Variants in C16orf96 observed in about 807,000 individuals in gnomAD.
C16orf96 encodes the protein chromosome 16 open reading frame 96, also known as uncharacterized protein C16orf96.
In C16orf96, 108 loss-of-function variants were observed where a neutral mutation model predicts 103.6. The observed-to-expected ratio is 1.04, with a 90% confidence interval of 0.89 to 1.22. The LOEUF (loss-of-function observed/expected upper bound fraction) is 1.22, where lower values mean the gene tolerates loss of function less well. Among genes scored for constraint, C16orf96 ranks in the 50% most tolerant of loss-of-function variants. C16orf96 has a pLI of 0.00. For missense variants in C16orf96, 1,586 were observed against 1,464.2 expected (o/e 1.08, Z -1.36); for synonymous variants, 566 against 593.5 (o/e 0.95, Z 0.67).
At chr16:4,575,086 C>CAGG (rs1168684495) in intron 4 of C16orf96, 28 bp downstream of exon 4, 1 of 1,550,786 alleles carries the variant, frequency 6.4e-7, no homozygotes, top group African/African-American at 1.4e-5. Context: ...GGGAGGTTAG[C>CAGG]AGGAAGCTGG....
At position 4,600,369 on chromosome 16, in the gene C16orf96, G is replaced by A; in HGVS notation, c.*52G>A. On this transcript the variant is annotated 3_prime_UTR_variant, in exon 16 of 16. Transcript: ENST00000444310. ...CCAAGTCCCCTCCACGTCCGAGGCT[G>A]AGGCCCATGTGGCCCTCCCACTCCC... The A allele has an allele frequency of 1.5e-6, 2 of 1,352,090 alleles. No individual in the cohort carries two copies. The highest frequency in any genetic ancestry group is 2.0e-6 in the Non-Finnish European group (2 of 982,210). The allele number at this position is 1,352,090 out of a possible 1,614,324, so 83.8% of individuals were successfully genotyped here.
intron 5 of C16orf96, among the ~76,000 whole-genome samples, chr16:4,578,159 T>G (rs1488771692): frequency 2.6e-5 from 4 of 152,132 alleles, no homozygotes; most frequent in African/African-American, 9.7e-5. Flanking sequence ...GTTATTATTT[T>G]TTGAGATGGA....
intron 10 of C16orf96, 45 bp from the exon 11 acceptor site, chr16:4,592,260 C>G: frequency 6.5e-7 from 1 of 1,550,272 alleles, no homozygotes; most frequent in South Asian, 1.2e-5. Context: ...CCACACATGG[C>G]CTGGGCCCAG....
In C16orf96 at chr16:4,576,634, A is replaced by G. The variant is rs2059513985; in HGVS notation, c.2154A>G (p.Leu718=). 3 of 1,549,220 alleles carry G rather than the reference A, an allele frequency of 1.9e-6. No individual in the cohort carries two copies. The highest frequency in any genetic ancestry group is 1.7e-4 in the Middle Eastern group (1 of 5,984). ...SCNLNQRLSY[L]ANMGGPSSLG... The stretch of plus-strand genomic sequence containing the variant: ...ACCTGAACCAGCGCTTGAGTTATCT[A>G]GGTAGGCCTGGTCTGGCCCTGGGAA... The change falls in exon 5 of 16, where the codon CTA becomes CTG. Residue 718 remains leucine, a splice_region_variant and synonymous_variant. Transcript: ENST00000444310.
chr16:4,573,082 G>A lies in C16orf96; in HGVS notation c.525+1417G>A, dbSNP rs529218282. ...TGGCTCCCATCTAAGCAGAAAGAAC[G>A]CTGTTAAAAGCTGCATCATGAGCTA... On this transcript the variant is annotated intron_variant, in intron 2 of 15. Coordinates refer to ENST00000444310, the MANE Select transcript of C16orf96 (RefSeq NM_001145011.2). 5.3e-5 allele frequency among the ~76,000 whole-genome samples: 8 copies of A among 152,210 alleles called. No individual in the cohort carries two copies. The South Asian group carries it at 1.2e-3, about 24-fold the overall frequency.
At chr16:4,569,918 C>G (rs1208917260) in intron 1 of C16orf96, among the ~76,000 whole-genome samples, 1 of 152,068 alleles carries the variant, frequency 6.6e-6, no homozygotes, top group Non-Finnish European at 1.5e-5. Context: ...CCCATGGCCA[C>G]TTTTACAACT....
At position 4,600,379 on chromosome 16, in the gene C16orf96, T is replaced by C; in HGVS notation, c.*62T>C. The C allele has an allele frequency of 8.1e-7, 1 of 1,233,402 alleles. No individual in the cohort carries two copies. The highest frequency in any genetic ancestry group is 1.1e-6 in the Non-Finnish European group (1 of 878,144). The allele number at this position is 1,233,402 out of a possible 1,614,324, so 76.4% of individuals were successfully genotyped here. A position where few individuals can be genotyped will look rare whatever the true frequency, so the allele number is the denominator to read the frequency against. On this transcript the variant is annotated 3_prime_UTR_variant, in exon 16 of 16. Transcript: ENST00000444310. ...TCCACGTCCGAGGCTGAGGCCCATG[T>C]GGCCCTCCCACTCCCACCAAGTCCC...
chr16:4,539,043 A>G, the C16orf96 span, among the ~76,000 whole-genome samples: 4 of 152,052 alleles, frequency 2.6e-5, no homozygotes, highest in Non-Finnish European at 5.9e-5. Context: ...CCAGGGCTGC[A>G]TTTTTTCTTT....
the C16orf96 span, among the ~76,000 whole-genome samples, chr16:4,541,925 C>T: frequency 6.6e-6 from 1 of 152,192 alleles, no homozygotes; most frequent in South Asian, 2.1e-4. Flanking sequence ...GTTGTTCCCC[C>T]AGAAGCAGTG....
chr16:4,563,719 C>T (rs567916597), intron 1 of C16orf96, among the ~76,000 whole-genome samples: 1 of 151,908 alleles, frequency 6.6e-6, no homozygotes, highest in African/African-American at 2.4e-5. Flanking sequence ...CAAGCGTGCA[C>T]CACCATGCCC....
Position 4,593,128 on chromosome 16 carries a change from T to C in C16orf96, c.2775-96T>C. ...GTGACCTGAGTCTGCACCTCCTTCC[T>C]CCTGCTGGGAAGGCTTCCTGGAGGG... On this transcript the variant is annotated intron_variant, in intron 11 of 15. Coordinates refer to ENST00000444310, the MANE Select transcript of C16orf96 (RefSeq NM_001145011.2). This position sits in a 1 kb window ranked among gnomAD's most constrained non-coding sequence, Gnocchi z 4.2. 2 of 1,204,548 alleles carry C rather than the reference T, an allele frequency of 1.7e-6. No homozygotes were observed. The highest frequency in any genetic ancestry group is 1.5e-5 in the African/African-American group (1 of 66,308). The allele number at this position is 1,204,548 out of a possible 1,614,324, so 74.6% of individuals were successfully genotyped here.
intron 1 of C16orf96, among the ~76,000 whole-genome samples, chr16:4,565,352 C>T (rs1040578735): frequency 2.0e-5 from 3 of 152,224 alleles, no homozygotes; most frequent in Non-Finnish European, 4.4e-5. Flanking sequence ...ACAGCTCTCT[C>T]TCCTGCCCCT....
the C16orf96 span, among the ~76,000 whole-genome samples, chr16:4,539,000 A>G: frequency 6.6e-6 from 1 of 152,000 alleles, no homozygotes; most frequent in Non-Finnish European, 1.5e-5. Flanking sequence ...CCTCCTCTTC[A>G]CTCATGCCAG....
upstream of C16orf96, among the ~76,000 whole-genome samples, chr16:4,552,506 CGAAAA>C (rs2059234714): frequency 2.1e-5 from 3 of 143,652 alleles, no homozygotes; most frequent in Non-Finnish European, 3.1e-5. Flanking sequence ...AAAAAAGAAA[CGAAAA>C]GAAAAGAAAT....
At chr16:4,574,183 C>T (rs143379022) in intron 2 of C16orf96, among the ~76,000 whole-genome samples, 99 of 151,832 alleles carry the variant, frequency 6.5e-4, no homozygotes, top group African/African-American at 2.4e-3. Context: ...CTGGGAAGTC[C>T]TGCCGTACAG....
chr16:4,592,861 CA>C (rs1236134108), intron 11 of C16orf96, among the ~76,000 whole-genome samples: 1 of 150,800 alleles, frequency 6.6e-6, no homozygotes, highest in Non-Finnish European at 1.5e-5. Flanking sequence ...GACCTCATAT[CA>C]AAAAAAAAGG....
At chr16:4,539,688 A>G in the C16orf96 span, among the ~76,000 whole-genome samples, 2 of 152,150 alleles carry the variant, frequency 1.3e-5, no homozygotes, top group African/African-American at 2.4e-5. Context: ...CCATCTCAAA[A>G]AAAGAAAGAA....
intron 1 of C16orf96, among the ~76,000 whole-genome samples, chr16:4,559,762 C>G (rs969665087): frequency 2.2e-4 from 34 of 152,154 alleles, no homozygotes; most frequent in African/African-American, 8.2e-4. Flanking sequence ...CTTTACTTCT[C>G]CTCCCTGCAA....
At chr16:4,554,929 G>A (rs1320631812), upstream of C16orf96, among the ~76,000 whole-genome samples, 6 of 150,784 alleles carry the variant, frequency 4.0e-5, no homozygotes, top group South Asian at 2.2e-4. Flanking sequence ...GCGCCCAGCC[G>A]ACAATGCCCT....
Sources: gnomAD v4.1 joint callset for allele counts (sites outside exome capture counted in the v4.1 genomes callset) on GRCh38, gnomAD v4.1.1 for gene constraint, Gnocchi (gnomAD v3.1) non-coding constraint, MANE v1.5 for transcripts, NCBI Gene and HGNC (gene_info 2026-07-23, HGNC 2026-07-21) for gene names.